RANBP17: variants seen among roughly 807,000 people sequenced by gnomAD.
RANBP17 encodes the protein RAN binding protein 17.
RANBP17 carries 158 observed loss-of-function variants against 141.2 expected under a neutral mutation model. The ratio of observed to expected loss-of-function variants is 1.12; its 90% CI spans 0.98 to 1.28. The LOEUF is 1.28. Ranked by LOEUF, RANBP17 falls within the 50% of genes most tolerant of loss-of-function variation. RANBP17 has a pLI of 0.00. For missense variants in RANBP17, 1,438 were observed against 1,290.7 expected (o/e 1.11, Z -1.75); for synonymous variants, 430 against 450.0 (o/e 0.96, Z 0.56).
chr5:171,016,709 A>G (rs1780457179), intron 14 of RANBP17, among the ~76,000 whole-genome samples: 1 of 150,808 alleles, frequency 6.6e-6, no homozygotes, highest in Non-Finnish European at 1.5e-5. Context: ...TATCTTCACT[A>G]TTGACTTATT....
intron 14 of RANBP17, among the ~76,000 whole-genome samples, chr5:171,045,818 A>G (rs1341480170): frequency 1.3e-5 from 2 of 152,164 alleles, no homozygotes; most frequent in African/African-American, 4.8e-5. Flanking sequence ...GTCCCCTGAG[A>G]TAAATAAATA....
intron 20 of RANBP17, among the ~76,000 whole-genome samples, chr5:171,210,892 C>A (rs528237583): frequency 6.6e-6 from 1 of 151,170 alleles, no homozygotes; most frequent in South Asian, 2.1e-4. Context: ...GTAGTCTCAG[C>A]TACTTGGGAG....
At chr5:171,214,899 A>T (rs1035976572) in intron 21 of RANBP17, among the ~76,000 whole-genome samples, 21 of 151,624 alleles carry the variant, frequency 1.4e-4, no homozygotes, top group East Asian at 5.8e-4. Flanking sequence ...TTTTTTTTTT[A>T]AATTTAAGTT....
At chr5:171,157,261 CAG>C (rs1399007404) in intron 14 of RANBP17, among the ~76,000 whole-genome samples, 14 of 152,106 alleles carry the variant, frequency 9.2e-5, no homozygotes. Context: ...TAAAAGAAAA[CAG>C]AGGGTGATGT....
At chr5:171,290,300 C>T (rs187617737) in intron 25 of RANBP17, among the ~76,000 whole-genome samples, 3 of 150,620 alleles carry the variant, frequency 2.0e-5, no homozygotes, top group South Asian at 2.1e-4. Flanking sequence ...ACCCGGGAGG[C>T]GGAGGTGCAG....
intron 14 of RANBP17, among the ~76,000 whole-genome samples, chr5:170,978,851 A>G (rs894629143): frequency 2.6e-5 from 4 of 152,158 alleles, no homozygotes; most frequent in African/African-American, 9.7e-5. Context: ...TTTTGCCTCA[A>G]TTAATTTTTT....
chr5:171,260,223 C>A, intron 24 of RANBP17, among the ~76,000 whole-genome samples: 1 of 151,156 alleles, frequency 6.6e-6, no homozygotes. Context: ...ATCGCTTGAA[C>A]CCGGGAGGTA....
intron 24 of RANBP17, among the ~76,000 whole-genome samples, chr5:171,249,607 A>G (rs1765427688): frequency 6.6e-6 from 1 of 152,230 alleles, no homozygotes; most frequent in African/African-American, 2.4e-5. Context: ...TGAAGAATTC[A>G]TTGAGGGAAA....
At chr5:171,255,684 T>C (rs143751014) in intron 24 of RANBP17, among the ~76,000 whole-genome samples, 1 of 152,042 alleles carries the variant, frequency 6.6e-6, no homozygotes, top group Admixed American at 6.6e-5. Context: ...AGGGTCAGGG[T>C]TGGGGGAGAA....
intron 12 of RANBP17, among the ~76,000 whole-genome samples, chr5:170,931,621 T>C (rs1483949424): frequency 3.3e-5 from 5 of 152,134 alleles, no homozygotes; most frequent in African/African-American, 4.8e-5. Context: ...CAGCTTTCTA[T>C]ATATGGCTAG....
At chr5:171,265,922 GA>G in intron 25 of RANBP17, 75 bp downstream of exon 25, 2 of 1,380,380 alleles carry the variant, frequency 1.4e-6, no homozygotes, top group Non-Finnish European at 2.0e-6. Context: ...ATTTATCTTA[GA>G]GCAGCTGGTC....
At chr5:171,231,148 A>G (rs1370994253) in intron 22 of RANBP17, among the ~76,000 whole-genome samples, 4 of 137,132 alleles carry the variant, frequency 2.9e-5, no homozygotes, top group Admixed American at 7.9e-5. Flanking sequence ...GGGCCTCACT[A>G]TGTTGCCCAG....
chr5:170,950,063 G>T (rs966104899), intron 12 of RANBP17, among the ~76,000 whole-genome samples: 1 of 152,062 alleles, frequency 6.6e-6, no homozygotes, highest in East Asian at 1.9e-4. Flanking sequence ...AATAAAACTG[G>T]ACTTCTACCT....
At chr5:171,105,322 C>T (rs1281391725) in intron 14 of RANBP17, among the ~76,000 whole-genome samples, 1 of 131,470 alleles carries the variant, frequency 7.6e-6, no homozygotes, top group Admixed American at 9.0e-5. Flanking sequence ...GCGGAGCTTG[C>T]AGTGAGCCGA....
At chr5:171,241,180 T>G in intron 23 of RANBP17, 38 bp downstream of exon 23, 2 of 1,476,400 alleles carry the variant, frequency 1.4e-6, no homozygotes, top group Non-Finnish European at 1.9e-6. Context: ...TTGTATGAAA[T>G]GTGAAGTAAC....
intron 14 of RANBP17, among the ~76,000 whole-genome samples, chr5:171,126,762 A>T (rs1300559737): frequency 6.6e-6 from 1 of 152,178 alleles, no homozygotes; most frequent in Non-Finnish European, 1.5e-5. Flanking sequence ...AACTTACCAA[A>T]ATTGACCCAA....
rs373513859 is a variant in RANBP17, at chr5:170,893,686, G to A, written c.423+1133G>A. Among the ~76,000 whole-genome samples the A allele has an allele frequency of 5.8e-3, 878 of 152,038 alleles. 8 individuals carry two copies. Among genetic ancestry groups the A allele is most frequent in the African/African-American group, 0.019 (787 of 41,496 alleles). ...CGGGCGCCTGTAGTCCCAGCTACTC[G>A]GGAGGCTGAGGCAGGAGAATGGCGT... On this transcript the variant is annotated intron_variant, in intron 4 of 27. Transcript: ENST00000523189.
chr5:170,866,269 A>T (rs1191996092), intron 1 of RANBP17, among the ~76,000 whole-genome samples: 1 of 150,686 alleles, frequency 6.6e-6, no homozygotes, highest in Non-Finnish European at 1.5e-5. Context: ...GGCAAGACCA[A>T]ATCTGTTACT....
chr5:171,252,608 A>C, intron 24 of RANBP17: 2 of 1,354,190 alleles, frequency 1.5e-6, no homozygotes, highest in Non-Finnish European at 1.1e-6. Context: ...AAATATAAGG[A>C]TCAACTTCAT....
Sources: gnomAD v4.1 joint callset for allele counts (sites outside exome capture counted in the v4.1 genomes callset) on GRCh38, gnomAD v4.1.1 for gene constraint, MANE v1.5 for transcripts, NCBI Gene and HGNC (gene_info 2026-07-23, HGNC 2026-07-21) for gene names.